The following THAP6 variants were observed in gnomAD, a reference collection of about 807,000 sequenced individuals.
THAP6 encodes THAP domain-containing protein 6.
Under a neutral mutation model 20.0 loss-of-function variants are expected in THAP6, and 13 were observed. The ratio of observed to expected loss-of-function variants is 0.65; its 90% CI spans 0.42 to 1.03. THAP6 has a LOEUF of 1.03. THAP6 is among the 50% of genes least tolerant of loss of function. The pLI, the probability that THAP6 is intolerant of heterozygous loss-of-function variation, is 0.00. For synonymous variants in THAP6, 93 were observed against 92.2 expected, an observed-to-expected ratio of 1.01 and a Z score of -0.05; for missense variants, 262 against 261.6, an observed-to-expected ratio of 1.00 and a Z score of -0.01.
intron 2 of THAP6, among the ~76,000 whole-genome samples, chr4:75,516,485 T>C (rs975398655): frequency 6.6e-6 from 1 of 152,224 alleles, no homozygotes; most frequent in Non-Finnish European, 1.5e-5. Flanking sequence ...ATACCTTCAA[T>C]TGTGGATCTT....
In THAP6 at chr4:75,515,978, A is replaced by G. The variant is rs572783402; in HGVS notation, c.80+446A>G. 1.1e-4 allele frequency among the ~76,000 whole-genome samples: 17 copies of G among 152,332 alleles called. No individual in the cohort carries two copies. The South Asian group carries it at 1.2e-3, about 11-fold the overall frequency. ...CTTTAGCTGTGTTGCAAATAAATCA[A>G]AATGATTTTAGTTTCATATTTTAGC... On this transcript the variant is annotated intron_variant, in intron 2 of 4. Transcript: ENST00000311638.
Position 75,528,540 on chromosome 4 carries a change from A to G in THAP6, c.*1326A>G, listed in dbSNP as rs1726518203. 8.1e-6 allele frequency: 8 copies of G among 983,416 alleles called. No homozygotes were observed. Among genetic ancestry groups the G allele is most frequent in the African/African-American group, 1.7e-5 (1 of 57,260 alleles). The allele number at this position is 983,416 out of a possible 1,614,324, so 60.9% of individuals were successfully genotyped here. A position where few individuals can be genotyped will look rare whatever the true frequency, so the allele number is the denominator to read the frequency against. ...GTGCTCAGTTGTTTATTGTAATTTT[A>G]TTTTTGTTACATTAATATTAGTTAA... is the stretch of plus-strand genomic sequence containing the variant. On this transcript the variant is annotated 3_prime_UTR_variant, in exon 5 of 5. Transcript: ENST00000311638.
intron 3 of THAP6, among the ~76,000 whole-genome samples, chr4:75,520,232 C>T (rs972045885): frequency 6.6e-6 from 1 of 151,996 alleles, no homozygotes; most frequent in Non-Finnish European, 1.5e-5. Context: ...GATATTAGCC[C>T]TTTGTCAGAT....
At chr4:75,542,809 T>C in intron 3 of THAP6, 1 of 211,180 alleles carries the variant, frequency 4.7e-6, no homozygotes, top group Non-Finnish European at 9.5e-6. Context: ...ACATTCACAA[T>C]GTCTTAAAGG....
At chr4:75,538,912 A>G (rs1481161863) in intron 2 of THAP6, among the ~76,000 whole-genome samples, 1 of 152,182 alleles carries the variant, frequency 6.6e-6, no homozygotes, top group Non-Finnish European at 1.5e-5. Context: ...TAATCTAAGA[A>G]CCACATGAGG....
At chr4:75,535,829 C>T (rs1006071121) in intron 2 of THAP6, among the ~76,000 whole-genome samples, 1 of 152,146 alleles carries the variant, frequency 6.6e-6, no homozygotes, top group African/African-American at 2.4e-5. Flanking sequence ...AGGCAGTCTG[C>T]AAAACTATCC....
At chr4:75,540,063 C>G (rs969374862) in intron 2 of THAP6, 2 of 1,297,774 alleles carry the variant, frequency 1.5e-6, no homozygotes, top group Non-Finnish European at 2.1e-6. Flanking sequence ...CACCATCCTC[C>G]TCTTCATCCT....
In THAP6 at chr4:75,526,949, T is replaced by A; in HGVS notation, c.415-11T>A. On this transcript the variant is annotated splice_polypyrimidine_tract_variant and intron_variant, in intron 4 of 4. Transcript: ENST00000311638. ...CTGTCTGATTTAATAACTTGGTGTT[T>A]ATGTTTTTAGGAACATAGCTACAGT... The A allele has an allele frequency of 6.2e-7, 1 of 1,609,448 alleles. No homozygotes were observed.
intron 4 of THAP6, among the ~76,000 whole-genome samples, chr4:75,524,989 C>T (rs1483456566): frequency 1.3e-5 from 2 of 152,164 alleles, no homozygotes; most frequent in Non-Finnish European, 2.9e-5. Flanking sequence ...AACTCCTAAG[C>T]TCAGGCGATC....
At chr4:75,520,891 C>T (rs1392731054) in intron 3 of THAP6, among the ~76,000 whole-genome samples, 2 of 152,106 alleles carry the variant, frequency 1.3e-5, no homozygotes, top group Admixed American at 1.3e-4. Context: ...TATGAACACT[C>T]GTGCGTGTCT....
At chr4:75,538,231 A>G (rs1417252385) in intron 2 of THAP6, among the ~76,000 whole-genome samples, 1 of 152,212 alleles carries the variant, frequency 6.6e-6, no homozygotes, top group Non-Finnish European at 1.5e-5. Flanking sequence ...AAAAAGTGTC[A>G]TATTCCTCTA....
intron 2 of THAP6, among the ~76,000 whole-genome samples, chr4:75,540,553 A>G (rs1726975109): frequency 6.6e-6 from 1 of 152,206 alleles, no homozygotes; most frequent in Non-Finnish European, 1.5e-5. Context: ...CAGCTTGTGC[A>G]GTTGAAAGGT....
intron 2 of THAP6, among the ~76,000 whole-genome samples, chr4:75,536,544 T>C (rs1018048186): frequency 6.6e-6 from 1 of 152,180 alleles, no homozygotes; most frequent in African/African-American, 2.4e-5. Context: ...AGTTAGTTAT[T>C]GAAACAGGGT....
At chr4:75,513,956 T>A (rs1172990242), upstream of THAP6, 2 of 428,058 alleles carry the variant, frequency 4.7e-6, no homozygotes, top group Non-Finnish European at 4.0e-6. Context: ...CAGAGACCAC[T>A]GTGCAAGCCT....
Position 75,516,759 on chromosome 4 carries a change from AT to A in THAP6, c.81-5del. ...TATTTGATTTTAAAATATTTTTTGT[AT>A]TTTTTTTCTAGATTCCCCACAGATG... On this transcript the variant is annotated splice_polypyrimidine_tract_variant and intron_variant, in intron 2 of 4. Coordinates refer to ENST00000311638, the MANE Select transcript of THAP6 (RefSeq NM_144721.6). 4 of 1,602,620 alleles carry A rather than the reference AT, an allele frequency of 2.5e-6. No individual in the cohort carries two copies. Among genetic ancestry groups the A allele is most frequent in the Non-Finnish European group, 3.4e-6 (4 of 1,173,550 alleles).
At chr4:75,540,615 G>C (rs1726976197) in intron 2 of THAP6, among the ~76,000 whole-genome samples, 1 of 152,172 alleles carries the variant, frequency 6.6e-6, no homozygotes, top group Non-Finnish European at 1.5e-5. Context: ...TAAAACAGAA[G>C]AGTTTTATTA....
intron 4 of THAP6, among the ~76,000 whole-genome samples, chr4:75,523,129 T>C (rs1187151849): frequency 2.0e-5 from 3 of 152,360 alleles, no homozygotes; most frequent in African/African-American, 4.8e-5. Context: ...GTTTTAGGTA[T>C]AAAAGCCATT....
At chr4:75,541,983 C>A (rs1465906534) in intron 2 of THAP6, among the ~76,000 whole-genome samples, 1 of 151,854 alleles carries the variant, frequency 6.6e-6, no homozygotes, top group Non-Finnish European at 1.5e-5. Flanking sequence ...AAATCAAAAC[C>A]ATTTCATCTC....
chr4:75,520,122 A>G (rs1003095621), intron 3 of THAP6, among the ~76,000 whole-genome samples: 5 of 152,234 alleles, frequency 3.3e-5, no homozygotes, highest in South Asian at 2.1e-4. Context: ...CTGCGTAAAT[A>G]TCTTCTTTTG....
Sources: gnomAD v4.1 joint callset for allele counts (sites outside exome capture counted in the v4.1 genomes callset) on GRCh38, gnomAD v4.1.1 for gene constraint, MANE v1.5 for transcripts, NCBI Gene and HGNC (gene_info 2026-07-23, HGNC 2026-07-21) for gene names.